The following NLGN1 variants were observed in gnomAD, a reference collection of about 807,000 sequenced individuals.
NLGN1 encodes the protein neuroligin 1.
A neutral mutation model predicts 65.5 loss-of-function variants in NLGN1; 12 were observed. The ratio of observed to expected loss-of-function variants is 0.18; its 90% confidence interval spans 0.12 to 0.30. The LOEUF is 0.30. Among genes scored for constraint, NLGN1 ranks in the 10% least tolerant of loss-of-function variants. The pLI is 1.00. For missense variants in NLGN1, 750 were observed against 1,007.1 expected (o/e 0.74, Z 3.46); for synonymous variants, 350 against 359.5 (o/e 0.97, Z 0.30).
At chr3:173,795,287 A>C (rs1355280949) in intron 3 of NLGN1, among the ~76,000 whole-genome samples, 1 of 152,102 alleles carries the variant, frequency 6.6e-6, no homozygotes, top group African/African-American at 2.4e-5. Context: ...AGTGGCTTGC[A>C]TTAGATTTTT....
At chr3:174,156,115 G>A (rs930867783) in intron 4 of NLGN1, among the ~76,000 whole-genome samples, 1 of 151,874 alleles carries the variant, frequency 6.6e-6, no homozygotes, top group Non-Finnish European at 1.5e-5. Context: ...GGTAGAAAAC[G>A]TTCTTTTTAA....
intron 4 of NLGN1, among the ~76,000 whole-genome samples, chr3:174,124,479 A>G (rs1253986810): frequency 2.0e-5 from 3 of 149,556 alleles, no homozygotes; most frequent in African/African-American, 7.3e-5. Context: ...ATTATAGATT[A>G]TGTATATACA....
At chr3:174,006,776 G>A (rs1251410385) in intron 4 of NLGN1, among the ~76,000 whole-genome samples, 2 of 152,044 alleles carry the variant, frequency 1.3e-5, no homozygotes, top group Non-Finnish European at 2.9e-5. Context: ...CTTATAAGAA[G>A]AGGAGATTAA....
At chr3:173,739,354 G>A (rs1451647582) in intron 3 of NLGN1, among the ~76,000 whole-genome samples, 1 of 151,926 alleles carries the variant, frequency 6.6e-6, no homozygotes, top group Non-Finnish European at 1.5e-5. Context: ...TCTGTTAGAT[G>A]AAAAGCACAT....
At chr3:174,194,284 A>G (rs970700392) in intron 4 of NLGN1, among the ~76,000 whole-genome samples, 1 of 151,900 alleles carries the variant, frequency 6.6e-6, no homozygotes, top group Non-Finnish European at 1.5e-5. Flanking sequence ...TGGTGAAACT[A>G]CTACTAAAAA....
chr3:173,788,755 A>T (rs1711883569), intron 3 of NLGN1, among the ~76,000 whole-genome samples: 1 of 136,262 alleles, frequency 7.3e-6, no homozygotes, highest in Admixed American at 8.2e-5. Context: ...CAGGAGTTGG[A>T]GGCTGTAGTG....
intron 4 of NLGN1, among the ~76,000 whole-genome samples, chr3:174,054,867 A>T (rs1281190840): frequency 6.6e-6 from 1 of 152,002 alleles, no homozygotes; most frequent in Non-Finnish European, 1.5e-5. Flanking sequence ...CTCTCCACCA[A>T]TTAGCACACT....
At chr3:174,142,655 A>G (rs1057043665) in intron 4 of NLGN1, among the ~76,000 whole-genome samples, 1 of 151,860 alleles carries the variant, frequency 6.6e-6, no homozygotes, top group African/African-American at 2.4e-5. Flanking sequence ...AAGACAAAGA[A>G]CTAAAACATA....
At chr3:173,987,853 A>G (rs777128558) in intron 4 of NLGN1, among the ~76,000 whole-genome samples, 3 of 152,182 alleles carry the variant, frequency 2.0e-5, no homozygotes, top group Non-Finnish European at 4.4e-5. Context: ...TCTCACTTGT[A>G]TTGACAACTA....
At chr3:173,414,286 T>C (rs1319235215) in intron 1 of NLGN1, among the ~76,000 whole-genome samples, 1 of 152,134 alleles carries the variant, frequency 6.6e-6, no homozygotes, top group Non-Finnish European at 1.5e-5. Context: ...TATAGTACTC[T>C]TCTTGGTAGT....
At chr3:173,805,490 T>G (rs1218671459) in intron 3 of NLGN1, among the ~76,000 whole-genome samples, 1 of 152,198 alleles carries the variant, frequency 6.6e-6, no homozygotes, top group East Asian at 1.9e-4. Context: ...TATTGTCATA[T>G]TTTCAGTGTT....
At chr3:173,849,154 A>T (rs1299300677) in intron 4 of NLGN1, among the ~76,000 whole-genome samples, 3 of 152,168 alleles carry the variant, frequency 2.0e-5, no homozygotes, top group South Asian at 2.1e-4. Flanking sequence ...AAAGAAAAAA[A>T]TTCTTTTGCG....
chr3:173,854,690 A>T (rs1410010906), intron 4 of NLGN1, among the ~76,000 whole-genome samples: 2 of 152,118 alleles, frequency 1.3e-5, no homozygotes, highest in African/African-American at 4.8e-5. Context: ...GGAGTGCTTT[A>T]CCATTAATGG....
intron 4 of NLGN1, among the ~76,000 whole-genome samples, chr3:174,201,265 G>A (rs1734400812): frequency 7.1e-6 from 1 of 141,266 alleles, no homozygotes; most frequent in Admixed American, 7.3e-5. Context: ...AACAGGAACA[G>A]GAAGGAAAGG....
chr3:173,941,692 A>AGT (rs1474708334), intron 4 of NLGN1, among the ~76,000 whole-genome samples: 1 of 151,848 alleles, frequency 6.6e-6, no homozygotes, highest in Non-Finnish European at 1.5e-5. Flanking sequence ...GTATATATAT[A>AGT]GTGTGTATAT....
intron 3 of NLGN1, among the ~76,000 whole-genome samples, chr3:173,690,152 A>T (rs1560175528): frequency 6.6e-6 from 1 of 152,162 alleles, no homozygotes; most frequent in Admixed American, 6.5e-5. Context: ...TATAGGCGAC[A>T]CTTAAAAAAG....
intron 2 of NLGN1, among the ~76,000 whole-genome samples, chr3:173,447,790 G>T (rs567753336): frequency 6.6e-6 from 1 of 152,198 alleles, no homozygotes; most frequent in Non-Finnish European, 1.5e-5. Context: ...CTTGTAAGTT[G>T]GATTCCTAGG....
At chr3:174,272,710 T>TAGATAG (rs1561445586) in intron 4 of NLGN1, among the ~76,000 whole-genome samples, 2 of 137,712 alleles carry the variant, frequency 1.5e-5, no homozygotes. Context: ...TAGATAGATA[T>TAGATAG]AGATAGATAG....
At chr3:173,737,511 T>G (rs1415461888) in intron 3 of NLGN1, among the ~76,000 whole-genome samples, 1 of 152,066 alleles carries the variant, frequency 6.6e-6, no homozygotes, top group Non-Finnish European at 1.5e-5. Flanking sequence ...AACAGAATCA[T>G]ATGATATGCA....
Sources: allele counts gnomAD v4.1 joint callset (sites outside exome capture counted in the v4.1 genomes callset), GRCh38; gene constraint gnomAD v4.1.1; transcripts MANE v1.5; gene names NCBI Gene and HGNC (gene_info 2026-07-23, HGNC 2026-07-21).